The following RSU1 variants were observed in gnomAD, a reference collection of about 807,000 sequenced individuals.
The protein encoded by RSU1 is rsu-1.
RSU1 carries 26 observed loss-of-function variants against 31.1 expected under a neutral mutation model. The ratio of observed to expected loss-of-function variants is 0.84; its 90% CI spans 0.61 to 1.16. The LOEUF (loss-of-function observed/expected upper bound fraction) is 1.16, where lower values mean the gene tolerates loss of function less well. Ranked by LOEUF, RSU1 falls within the 50% of genes most tolerant of loss-of-function variation. RSU1 has a pLI of 0.00. For synonymous variants in RSU1, 164 were observed against 136.3 expected (o/e 1.20, Z -1.41); for missense variants, 320 against 339.1 (o/e 0.94, Z 0.44).
rs77594082 is a variant in RSU1, at chr10:16,732,997, G to T, written c.598+19542C>A. Among the ~76,000 whole-genome samples the T allele has an allele frequency of 2.5e-3, 382 of 152,122 alleles. 10 individuals are homozygous for T. The East Asian group carries it at 0.052, about 21-fold the overall frequency. Reference sequence around the variant, plus strand: ...ACTCTAAGCTTAAGGTTCCTCATCTGTAAAATGGGAAAAAAGTAACTCCAG... The same window carrying T: ...ACTCTAAGCTTAAGGTTCCTCATCTTTAAAATGGGAAAAAAGTAACTCCAG... On this transcript the variant is annotated intron_variant, in intron 7 of 8. Transcript: ENST00000345264.
At chr10:16,711,939 C>T (rs1836029725) in intron 7 of RSU1, among the ~76,000 whole-genome samples, 1 of 152,162 alleles carries the variant, frequency 6.6e-6, no homozygotes, top group Non-Finnish European at 1.5e-5. Context: ...CTTTGCCAAA[C>T]TTCCCTTTTA....
chr10:16,629,583 C>A (rs2131488992), intron 8 of RSU1, among the ~76,000 whole-genome samples: 1 of 152,226 alleles, frequency 6.6e-6, no homozygotes, highest in African/African-American at 2.4e-5. Flanking sequence ...AAATTCCTTC[C>A]TTGGATGCAA....
intron 2 of RSU1, among the ~76,000 whole-genome samples, chr10:16,807,003 C>T (rs1188892693): frequency 2.0e-5 from 3 of 152,188 alleles, no homozygotes; most frequent in South Asian, 4.1e-4. Context: ...GGTGACCCAC[C>T]CACGTTGGCC....
At chr10:16,639,382 A>G (rs1334451604) in intron 8 of RSU1, among the ~76,000 whole-genome samples, 2 of 152,224 alleles carry the variant, frequency 1.3e-5, no homozygotes, top group Non-Finnish European at 2.9e-5. Context: ...TTACTATTAT[A>G]TCTTCTAATA....
chr10:16,669,267 AC>A (rs1356572253), intron 8 of RSU1, among the ~76,000 whole-genome samples: 4 of 152,116 alleles, frequency 2.6e-5, no homozygotes, highest in Non-Finnish European at 4.4e-5. Flanking sequence ...TCATGTGACC[AC>A]CCAGAATGTA....
At chr10:16,595,478 G>A (rs1425556144) in intron 8 of RSU1, among the ~76,000 whole-genome samples, 1 of 152,232 alleles carries the variant, frequency 6.6e-6, no homozygotes, top group East Asian at 1.9e-4. Flanking sequence ...GCCGGAGCGT[G>A]CACATCCAGC....
intron 8 of RSU1, among the ~76,000 whole-genome samples, chr10:16,647,529 TA>T (rs1352993809): frequency 6.6e-6 from 1 of 152,162 alleles, no homozygotes; most frequent in African/African-American, 2.4e-5. Flanking sequence ...AGAAACATGG[TA>T]AAACCATATA....
chr10:16,663,458 A>C (rs1268327929), intron 8 of RSU1, among the ~76,000 whole-genome samples: 1 of 152,188 alleles, frequency 6.6e-6, no homozygotes, highest in Non-Finnish European at 1.5e-5. Context: ...GACTCTTCGA[A>C]AATTTCCTCC....
intron 7 of RSU1, among the ~76,000 whole-genome samples, chr10:16,743,093 C>T (rs908435516): frequency 1.3e-5 from 2 of 152,216 alleles, no homozygotes; most frequent in East Asian, 1.9e-4. Flanking sequence ...AGAATTAAAA[C>T]GTAGGAGCAT....
At chr10:16,713,059 G>T (rs954729937) in intron 7 of RSU1, among the ~76,000 whole-genome samples, 4 of 152,138 alleles carry the variant, frequency 2.6e-5, no homozygotes, top group Non-Finnish European at 4.4e-5. Flanking sequence ...AACCTGCAAG[G>T]TTTCTGCTGA....
intron 8 of RSU1, among the ~76,000 whole-genome samples, chr10:16,626,887 G>A (rs1013810220): frequency 2.0e-5 from 3 of 152,224 alleles, no homozygotes; most frequent in Non-Finnish European, 4.4e-5. Flanking sequence ...TGGTCTCCCA[G>A]GCTGCATACC....
intron 2 of RSU1, among the ~76,000 whole-genome samples, chr10:16,808,657 G>C (rs1838333105): frequency 6.6e-6 from 1 of 152,136 alleles, no homozygotes; most frequent in Non-Finnish European, 1.5e-5. Context: ...CACAGAGTAG[G>C]CACTCAGGTC....
intron 2 of RSU1, among the ~76,000 whole-genome samples, chr10:16,810,745 C>T (rs1174296120): frequency 2.0e-5 from 3 of 152,068 alleles, no homozygotes; most frequent in South Asian, 2.1e-4. Flanking sequence ...AGTCATGCAC[C>T]GCTTAATAAT....
At chr10:16,701,408 G>C (rs1347568061) in intron 7 of RSU1, among the ~76,000 whole-genome samples, 2 of 152,200 alleles carry the variant, frequency 1.3e-5, no homozygotes, top group African/African-American at 2.4e-5. Flanking sequence ...ATGTAAGCTG[G>C]GATGTCTCAT....
chr10:16,680,089 C>G (rs1339334569), intron 8 of RSU1, among the ~76,000 whole-genome samples: 1 of 151,952 alleles, frequency 6.6e-6, no homozygotes, highest in East Asian at 1.9e-4. Context: ...ACCATGTTGG[C>G]CAGTCTGGTT....
At chr10:16,726,884 G>A (rs981348842) in intron 7 of RSU1, 17 of 360,012 alleles carry the variant, frequency 4.7e-5, no homozygotes, top group African/African-American at 3.4e-4. Context: ...TAGGTTCAAG[G>A]AACAAAACAA....
At chr10:16,707,191 G>A (rs1835923645) in intron 7 of RSU1, among the ~76,000 whole-genome samples, 2 of 152,136 alleles carry the variant, frequency 1.3e-5, no homozygotes, top group Admixed American at 6.6e-5. Context: ...TGTAAACAGT[G>A]CTGCAATAAA....
chr10:16,739,243 G>A (rs1836701294), intron 7 of RSU1, among the ~76,000 whole-genome samples: 2 of 151,902 alleles, frequency 1.3e-5, no homozygotes, highest in African/African-American at 4.8e-5. Flanking sequence ...GGGATTGCTG[G>A]ATCAAATGGT....
intron 8 of RSU1, among the ~76,000 whole-genome samples, chr10:16,596,313 G>C (rs1041501057): frequency 1.4e-4 from 21 of 152,068 alleles, no homozygotes; most frequent in African/African-American, 5.1e-4. Context: ...CCTCCTCCTC[G>C]GCATCTCTCC....
Sources: allele counts gnomAD v4.1 joint callset (sites outside exome capture counted in the v4.1 genomes callset), GRCh38; gene constraint gnomAD v4.1.1; transcripts MANE v1.5; gene names NCBI Gene and HGNC (gene_info 2026-07-23, HGNC 2026-07-21).